Variants in SDK1 observed in about 807,000 individuals in gnomAD.
The protein encoded by SDK1 is sidekick cell adhesion molecule 1, also known as protein sidekick-1.
In SDK1, 157 loss-of-function variants were observed where a neutral mutation model predicts 245.5. The observed-to-expected ratio is 0.64, with a 90% CI of 0.56 to 0.73. The LOEUF (loss-of-function observed/expected upper bound fraction) is 0.73. Among genes scored for constraint, SDK1 ranks in the 30% least tolerant of loss-of-function variants. SDK1 has a pLI of 0.00. For missense variants in SDK1, 3,583 were observed against 3,002.3 expected (o/e 1.19, Z -4.52); for synonymous variants, 1,647 against 1,278.5 (o/e 1.29, Z -6.15).
At chr7:4,114,951 C>G (rs181260044) in intron 25 of SDK1, among the ~76,000 whole-genome samples, 1 of 152,186 alleles carries the variant, frequency 6.6e-6, no homozygotes, top group Non-Finnish European at 1.5e-5. Context: ...TGCCAGGAAG[C>G]AATGGAGCAG....
chr7:3,596,365 A>AT (rs1781063405), intron 1 of SDK1, among the ~76,000 whole-genome samples: 2 of 152,234 alleles, frequency 1.3e-5, no homozygotes, highest in Admixed American at 1.3e-4. Flanking sequence ...AACCACAGTC[A>AT]TTGTGGTAAA....
Position 4,000,558 on chromosome 7 carries a change from C to T in SDK1, c.2132-10408C>T, listed in dbSNP as rs77671293. Among the ~76,000 whole-genome samples, 402 of 152,262 alleles carry T rather than the reference C, an allele frequency of 2.6e-3. 1 individual carries two copies. The highest frequency in any genetic ancestry group is 4.6e-3 in the Non-Finnish European group (311 of 68,018). ...CAGGTGCCTTTTCATGTAGGGAACCCGTCAGCCGTCTCCACGCCGCTCTCC... is the reference window on the plus strand; with the variant it reads ...CAGGTGCCTTTTCATGTAGGGAACCTGTCAGCCGTCTCCACGCCGCTCTCC... On this transcript the variant is annotated intron_variant, in intron 14 of 44. Transcript: ENST00000404826.
chr7:3,453,384 C>T (rs1393099773), intron 1 of SDK1, among the ~76,000 whole-genome samples: 7 of 152,204 alleles, frequency 4.6e-5, no homozygotes, highest in Admixed American at 2.0e-4. Context: ...TCCCTGGAAC[C>T]TGTGAATGTG....
At chr7:3,306,480 G>T (rs894536040) in intron 1 of SDK1, among the ~76,000 whole-genome samples, 3 of 152,154 alleles carry the variant, frequency 2.0e-5, no homozygotes, top group African/African-American at 7.2e-5. Flanking sequence ...GTATGAATTT[G>T]AGTCCTTTAA....
chr7:3,308,309 A>G (rs1336554108), intron 1 of SDK1, among the ~76,000 whole-genome samples: 2 of 152,218 alleles, frequency 1.3e-5, no homozygotes. Context: ...GAGAATGTTT[A>G]TATTTACTGT....
rs371031722 is a variant in SDK1, at chr7:3,969,389, G to A, written c.1679G>A (p.Gly560Asp). The A allele has an allele frequency of 6.2e-7, 1 of 1,606,876 alleles. No homozygotes were observed. Among genetic ancestry groups the A allele is most frequent in the Non-Finnish European group, 8.5e-7 (1 of 1,176,644 alleles). The change falls in exon 11 of 45, where the codon GGC becomes GAC. Residue 560 changes from glycine to aspartate, a missense_variant. Gly to Asp is a moderately conservative substitution (Grantham distance 94, BLOSUM62 -1). Coordinates refer to ENST00000404826, the MANE Select transcript of SDK1 (RefSeq NM_152744.4). The stretch of plus-strand genomic sequence containing the variant: ...ACCTGCTATGCGGCCAACACAGAGG[G>A]CTCCCTGAATGCATCGGCCACGCTC... ...NYTCYAANTE[G>D]SLNASATLTV... is the part of the protein sequence containing the mutation.
At chr7:4,141,817 C>T (rs557793919) in intron 28 of SDK1, among the ~76,000 whole-genome samples, 1 of 152,194 alleles carries the variant, frequency 6.6e-6, no homozygotes, top group South Asian at 2.1e-4. Context: ...AGTGCAGTGG[C>T]GTGATCTTGG....
At chr7:3,586,722 A>G (rs1780700683) in intron 1 of SDK1, among the ~76,000 whole-genome samples, 1 of 149,032 alleles carries the variant, frequency 6.7e-6, no homozygotes, top group Non-Finnish European at 1.5e-5. Flanking sequence ...AAAAAAAAAA[A>G]GAAATAGAGG....
chr7:3,413,089 A>G (rs562415386), intron 1 of SDK1, among the ~76,000 whole-genome samples: 4 of 152,236 alleles, frequency 2.6e-5, no homozygotes, highest in South Asian at 2.1e-4. Flanking sequence ...GAAGGAGTAT[A>G]CTGGTTATGG....
intron 20 of SDK1, among the ~76,000 whole-genome samples, chr7:4,072,399 G>A (rs577492476): frequency 3.9e-5 from 6 of 152,148 alleles, no homozygotes; most frequent in Non-Finnish European, 7.3e-5. Flanking sequence ...TGCAGTGGAC[G>A]CCTGCAGCTC....
chr7:4,265,160 C>G lies in SDK1; in HGVS notation c.6418C>G (p.His2140Asp). 3.7e-6 allele frequency: 6 copies of G among 1,612,502 alleles called. No homozygotes were observed. The highest frequency in any genetic ancestry group is 3.4e-6 in the Non-Finnish European group (4 of 1,179,632). Residue 2140 changes from histidine (H) to aspartate (D), a missense_variant, in exon 45 of 45, where the codon CAC becomes GAC. His to Asp is a moderately conservative substitution (Grantham distance 81). Transcript: ENST00000404826. ...TGACTACGAGGACGCGCTGCCCAAG[C>G]ACTCCTTCGTGAACCACTACATGAG... ...DSDYEDALPKHSFVNHYMSDP... is the reference protein window; with the variant it reads ...DSDYEDALPKDSFVNHYMSDP...
intron 2 of SDK1, among the ~76,000 whole-genome samples, chr7:3,620,556 G>A (rs1274469676): frequency 1.3e-5 from 2 of 152,080 alleles, no homozygotes; most frequent in African/African-American, 4.8e-5. Flanking sequence ...GCCTGCCTTG[G>A]CCTGCCAGAT....
chr7:3,620,489 G>C (rs1781903939), intron 2 of SDK1, among the ~76,000 whole-genome samples: 1 of 152,020 alleles, frequency 6.6e-6, no homozygotes, highest in South Asian at 2.1e-4. Flanking sequence ...TTTTAGTAGA[G>C]ATGGGGTTTC....
intron 17 of SDK1, among the ~76,000 whole-genome samples, chr7:4,044,515 C>T (rs558637791): frequency 1.3e-5 from 2 of 152,342 alleles, no homozygotes; most frequent in East Asian, 3.9e-4. Context: ...AGGAGCATAG[C>T]TCACGGTAAC....
chr7:3,462,833 A>C (rs1317766329), intron 1 of SDK1, among the ~76,000 whole-genome samples: 2 of 152,118 alleles, frequency 1.3e-5, no homozygotes, highest in African/African-American at 4.8e-5. Flanking sequence ...GGTTCTTTCT[A>C]GTCTGTCTGG....
At chr7:3,918,047 C>T (rs186276215) in intron 5 of SDK1, among the ~76,000 whole-genome samples, 2 of 152,132 alleles carry the variant, frequency 1.3e-5, no homozygotes, top group Non-Finnish European at 2.9e-5. Context: ...GTTGGAGTCC[C>T]CTTCTAGGTA....
At chr7:3,870,825 A>G (rs1473195635) in intron 5 of SDK1, among the ~76,000 whole-genome samples, 1 of 152,186 alleles carries the variant, frequency 6.6e-6, no homozygotes, top group Non-Finnish European at 1.5e-5. Flanking sequence ...CCAAGGCATC[A>G]TGTTGCATTT....
chr7:3,455,866 C>T (rs139051258), intron 1 of SDK1, among the ~76,000 whole-genome samples: 33 of 152,268 alleles, frequency 2.2e-4, no homozygotes, highest in East Asian at 5.8e-4. Flanking sequence ...ATCAATTTGG[C>T]GAGGAGTTGA....
At chr7:3,567,714 G>A (rs1779971785) in intron 1 of SDK1, among the ~76,000 whole-genome samples, 1 of 152,082 alleles carries the variant, frequency 6.6e-6, no homozygotes, top group Admixed American at 6.5e-5. Context: ...GTTCTTTTTT[G>A]GTTCCTAATT....
Sources: gnomAD v4.1 joint callset for allele counts (sites outside exome capture counted in the v4.1 genomes callset) on GRCh38, gnomAD v4.1.1 for gene constraint, MANE v1.5 for transcripts, NCBI Gene and HGNC (gene_info 2026-07-23, HGNC 2026-07-21) for gene names.